The following HHAT variants were observed in gnomAD, a reference collection of about 807,000 sequenced individuals.
HHAT encodes the protein protein-cysteine N-palmitoyltransferase HHAT.
A neutral mutation model predicts 70.8 loss-of-function variants in HHAT; 47 were observed. The ratio of observed to expected loss-of-function variants is 0.66; its 90% CI spans 0.53 to 0.85. The LOEUF (loss-of-function observed/expected upper bound fraction) is 0.85, where lower values mean the gene tolerates loss of function less well. Ranked by LOEUF, HHAT falls within the 40% of genes least tolerant of loss-of-function variation. The pLI is 0.00. For missense variants in HHAT, 609 were observed against 604.8 expected (o/e 1.01, Z -0.07); for synonymous variants, 228 against 247.6 (o/e 0.92, Z 0.74).
At chr1:210,414,112 G>C (rs1412179552) in intron 6 of HHAT, among the ~76,000 whole-genome samples, 3 of 152,218 alleles carry the variant, frequency 2.0e-5, no homozygotes, top group African/African-American at 7.2e-5. Flanking sequence ...CATGATCAGT[G>C]AGTTGGCAGA....
At chr1:210,538,164 T>G (rs2095393777) in intron 9 of HHAT, among the ~76,000 whole-genome samples, 1 of 151,976 alleles carries the variant, frequency 6.6e-6, no homozygotes. Context: ...GTAATGAAAA[T>G]GAGATATTCA....
At chr1:210,391,995 A>C (rs1478056520) in intron 4 of HHAT, among the ~76,000 whole-genome samples, 1 of 152,110 alleles carries the variant, frequency 6.6e-6, no homozygotes, top group East Asian at 1.9e-4. Context: ...TCAGCTCCCG[A>C]GTAGCTTGGA....
At chr1:210,418,115 C>G in intron 6 of HHAT, 39 bp from the exon 7 acceptor site, 1 of 1,601,064 alleles carries the variant, frequency 6.2e-7, no homozygotes, top group Non-Finnish European at 8.6e-7. Context: ...TTTTAGGAAT[C>G]AAGGCACCAT....
At chr1:210,536,100 T>G (rs1460367213) in intron 9 of HHAT, among the ~76,000 whole-genome samples, 2 of 152,256 alleles carry the variant, frequency 1.3e-5, no homozygotes, top group African/African-American at 4.8e-5. Flanking sequence ...GAATTCCTTT[T>G]GAAAGTATTT....
At chr1:210,422,166 C>T (rs114351673) in intron 7 of HHAT, among the ~76,000 whole-genome samples, 291 of 152,250 alleles carry the variant, frequency 1.9e-3, no homozygotes, top group Non-Finnish European at 3.3e-3. Context: ...AATAATTGTA[C>T]ATACTCATGG....
chr1:210,496,210 C>T (rs1312628120), intron 8 of HHAT, among the ~76,000 whole-genome samples: 1 of 151,798 alleles, frequency 6.6e-6, no homozygotes, highest in Non-Finnish European at 1.5e-5. Flanking sequence ...GGGCTGCAGT[C>T]ATCTGAAGGC....
chr1:210,549,554 G>T (rs2148679295), intron 9 of HHAT, among the ~76,000 whole-genome samples: 1 of 148,986 alleles, frequency 6.7e-6, no homozygotes, highest in East Asian at 2.3e-4. Context: ...ACATCCATAT[G>T]CCTACAGGGT....
chr1:210,576,390 A>T (rs891508818), intron 9 of HHAT, among the ~76,000 whole-genome samples: 2 of 152,046 alleles, frequency 1.3e-5, no homozygotes, highest in Non-Finnish European at 2.9e-5. Flanking sequence ...AGTAATAAGC[A>T]TATCCATTAC....
chr1:210,391,650 T>G (rs1045943267), intron 4 of HHAT, among the ~76,000 whole-genome samples: 1 of 152,188 alleles, frequency 6.6e-6, no homozygotes, highest in Admixed American at 6.5e-5. Flanking sequence ...AAATGTTAAA[T>G]TCATTAGTAA....
rs114720549 is a variant in HHAT at position 210,621,013 on chromosome 1, G to T, written c.1246-2513G>T. On this transcript the variant is annotated intron_variant, in intron 10 of 11. Coordinates refer to ENST00000261458, the MANE Select transcript of HHAT (RefSeq NM_018194.6). ...GCTGGGGCCTCAGGGCTGGACAGAG[G>T]AGTCCTATGCCTCCAATACACGCTG... 2.9e-3 allele frequency among the ~76,000 whole-genome samples: 441 copies of T among 152,046 alleles called. 4 individuals are homozygous for T. The highest frequency in any genetic ancestry group is 8.0e-3 in the African/African-American group (333 of 41,452).
chr1:210,650,855 A>G (rs1212368347), intron 11 of HHAT, among the ~76,000 whole-genome samples: 1 of 152,224 alleles, frequency 6.6e-6, no homozygotes, highest in Admixed American at 6.5e-5. Flanking sequence ...TATTTGCTTC[A>G]TGGCATACTC....
rs12046941 is a variant in HHAT, at chr1:210,635,953, G to T, written c.1390+12283G>T. 0.016 allele frequency among the ~76,000 whole-genome samples: 2,371 copies of T among 152,254 alleles called. 201 individuals carry two copies. The East Asian group carries it at 0.25, about 16-fold the overall frequency. Reference sequence around the variant, plus strand: ...GGGGTGCCTTTTATAGAAAGTGTTTGTTCTCTGCAGATATTTTACAGATAT... The same window carrying T: ...GGGGTGCCTTTTATAGAAAGTGTTTTTTCTCTGCAGATATTTTACAGATAT... On this transcript the variant is annotated intron_variant, in intron 11 of 11. Transcript: ENST00000261458.
At chr1:210,390,788 A>G (rs574894725) in intron 4 of HHAT, among the ~76,000 whole-genome samples, 5 of 152,310 alleles carry the variant, frequency 3.3e-5, no homozygotes, top group South Asian at 2.1e-4. Flanking sequence ...ACTTAGAACA[A>G]TGGCCTCCAG....
intron 9 of HHAT, among the ~76,000 whole-genome samples, chr1:210,556,344 C>T (rs758314504): frequency 3.0e-4 from 45 of 152,206 alleles, no homozygotes; most frequent in Non-Finnish European, 5.4e-4. Context: ...TCTCCCAGGG[C>T]AAGGGCTATG....
At chr1:210,632,944 C>T (rs893927395) in intron 11 of HHAT, among the ~76,000 whole-genome samples, 18 of 152,104 alleles carry the variant, frequency 1.2e-4, no homozygotes, top group Non-Finnish European at 2.6e-4. Flanking sequence ...CACAAAGGAA[C>T]ACCTGGAGCC....
chr1:210,590,066 A>G (rs1251180591), intron 10 of HHAT: 1 of 152,182 alleles, frequency 6.6e-6, no homozygotes, highest in Non-Finnish European at 1.5e-5. Context: ...CCAGGTTCCC[A>G]TTACTCTGTT....
chr1:210,520,680 T>C (rs1178865474), intron 9 of HHAT, among the ~76,000 whole-genome samples: 1 of 152,208 alleles, frequency 6.6e-6, no homozygotes, highest in Non-Finnish European at 1.5e-5. Context: ...ATTAAATTTG[T>C]CAATTTATAA....
chr1:210,638,457 TGTCC>T (rs1672338171), intron 11 of HHAT, among the ~76,000 whole-genome samples: 1 of 152,206 alleles, frequency 6.6e-6, no homozygotes, highest in African/African-American at 2.4e-5. Context: ...ATTTATAAAA[TGTCC>T]AGAATAGGCA....
intron 11 of HHAT, among the ~76,000 whole-genome samples, chr1:210,660,627 A>G (rs967717806): frequency 1.3e-5 from 2 of 152,202 alleles, no homozygotes; most frequent in African/African-American, 2.4e-5. Context: ...AGCCAAAAGA[A>G]CAAAGCTGGA....
Sources: allele counts gnomAD v4.1 joint callset (sites outside exome capture counted in the v4.1 genomes callset), GRCh38; gene constraint gnomAD v4.1.1; transcripts MANE v1.5; gene names NCBI Gene and HGNC (gene_info 2026-07-23, HGNC 2026-07-21).